The following ACTR3C variants were observed in gnomAD, a reference collection of about 807,000 sequenced individuals.
ACTR3C encodes actin-related protein 3C.
ACTR3C carries 18 observed loss-of-function variants against 26.3 expected under a neutral mutation model. The ratio of observed to expected loss-of-function variants is 0.68; its 90% CI spans 0.47 to 1.01. The LOEUF (loss-of-function observed/expected upper bound fraction) is 1.01, where lower values mean the gene tolerates loss of function less well. ACTR3C is among the 50% of genes least tolerant of loss of function. The pLI is 0.00. For missense variants in ACTR3C, 184 were observed against 250.7 expected, an observed-to-expected ratio of 0.73 and a Z score of 1.80; for synonymous variants, 55 against 94.5, an observed-to-expected ratio of 0.58 and a Z score of 2.42.
At chr7:150,204,727 G>A in the ACTR3C span, among the ~76,000 whole-genome samples, 14,656 of 151,432 alleles carry the variant, frequency 0.097, 925 homozygotes, top group East Asian at 0.23. Flanking sequence ...ATTGACGAGT[G>A]CAGAGGAGGA....
At chr7:150,214,237 AAC>A in the ACTR3C span, among the ~76,000 whole-genome samples, 1 of 152,230 alleles carries the variant, frequency 6.6e-6, no homozygotes, top group African/African-American at 2.4e-5. Context: ...AAATACAGTC[AAC>A]ACAGACCAAT....
chr7:150,200,952 A>T, the ACTR3C span, among the ~76,000 whole-genome samples: 9,238 of 152,128 alleles, frequency 0.061, 305 homozygotes, highest in African/African-American at 0.14. Flanking sequence ...ATAGAAAATT[A>T]AAAATTCCCT....
the ACTR3C span, among the ~76,000 whole-genome samples, chr7:150,169,374 C>A: frequency 7.6e-6 from 1 of 132,220 alleles, no homozygotes; most frequent in African/African-American, 3.2e-5. Context: ...CAGAGTGAGA[C>A]TCCATTTCAA....
At chr7:150,003,211 T>C in the ACTR3C span, 2 of 152,482 alleles carry the variant, frequency 1.3e-5, no homozygotes, top group African/African-American at 4.8e-5. Flanking sequence ...AGTGTTTGTG[T>C]GTGTGGGTAT....
the ACTR3C span, among the ~76,000 whole-genome samples, chr7:150,163,619 AGAATCT>A: frequency 1.3e-5 from 2 of 152,090 alleles, no homozygotes; most frequent in Non-Finnish European, 2.9e-5. Flanking sequence ...GAGAAGTCCC[AGAATCT>A]GCCATCTGCA....
the ACTR3C span, among the ~76,000 whole-genome samples, chr7:150,054,727 C>T: frequency 6.6e-6 from 1 of 152,294 alleles, no homozygotes; most frequent in South Asian, 2.1e-4. Context: ...GTCATTAAAG[C>T]CAAATCAATG....
chr7:150,084,802 C>T, the ACTR3C span, among the ~76,000 whole-genome samples: 851 of 152,066 alleles, frequency 5.6e-3, 4 homozygotes, highest in African/African-American at 0.019. Flanking sequence ...AGGATCCCTG[C>T]GGCTGTCTTA....
chr7:149,898,665 G>T, the ACTR3C span, among the ~76,000 whole-genome samples: 1 of 151,186 alleles, frequency 6.6e-6, no homozygotes, highest in Non-Finnish European at 1.5e-5. Context: ...CCGAGATCAC[G>T]CCACTGCACT....
chr7:149,931,459 G>A, the ACTR3C span, among the ~76,000 whole-genome samples: 1 of 152,088 alleles, frequency 6.6e-6, no homozygotes, highest in Admixed American at 6.6e-5. Context: ...GAGATGCAGG[G>A]GTGGGCCCTC....
At chr7:150,134,503 G>A in the ACTR3C span, among the ~76,000 whole-genome samples, 4,368 of 119,938 alleles carry the variant, frequency 0.036, 102 homozygotes, top group African/African-American at 0.083. Context: ...ACATGAACAC[G>A]TGCACAAACA....
the ACTR3C span, among the ~76,000 whole-genome samples, chr7:150,206,931 C>T: frequency 1.2e-3 from 181 of 152,242 alleles, no homozygotes; most frequent in African/African-American, 4.2e-3. Flanking sequence ...ATTTCTCAGG[C>T]TTTTGACCAT....
At chr7:150,033,812 C>A in the ACTR3C span, among the ~76,000 whole-genome samples, 36 of 148,072 alleles carry the variant, frequency 2.4e-4, no homozygotes, top group Middle Eastern at 3.8e-3. Flanking sequence ...GGAAGAGGGA[C>A]TGGCTCTCAG....
the ACTR3C span, among the ~76,000 whole-genome samples, chr7:149,906,048 C>T: frequency 2.6e-5 from 4 of 152,096 alleles, no homozygotes; most frequent in African/African-American, 4.8e-5. Context: ...GTTGTATATT[C>T]GCGTTAGAAT....
chr7:150,179,416 A>AC, the ACTR3C span, among the ~76,000 whole-genome samples: 1 of 89,474 alleles, frequency 1.1e-5, no homozygotes, highest in Non-Finnish European at 2.5e-5. Flanking sequence ...TAGACACAAC[A>AC]GGAAAAAAAA....
At chr7:150,308,183 C>T (rs547467246) in intron 1 of ACTR3C, among the ~76,000 whole-genome samples, 1 of 152,112 alleles carries the variant, frequency 6.6e-6, no homozygotes, top group Non-Finnish European at 1.5e-5. Context: ...CAAGTACCAC[C>T]CCCCTCTCTT....
the ACTR3C span, among the ~76,000 whole-genome samples, chr7:150,189,154 T>A: frequency 6.6e-6 from 1 of 151,418 alleles, no homozygotes; most frequent in Non-Finnish European, 1.5e-5. Flanking sequence ...ACCCTAAATA[T>A]ATACATATAA....
At chr7:149,985,004 T>C in the ACTR3C span, among the ~76,000 whole-genome samples, 1 of 152,108 alleles carries the variant, frequency 6.6e-6, no homozygotes, top group Admixed American at 6.6e-5. Context: ...AATAATGTGG[T>C]AACATTACCA....
chr7:149,928,355 T>C, the ACTR3C span, among the ~76,000 whole-genome samples: 1 of 148,880 alleles, frequency 6.7e-6, no homozygotes, highest in African/African-American at 2.5e-5. Context: ...AGCCCGCCAG[T>C]GTGCCCGGCT....
the ACTR3C span, among the ~76,000 whole-genome samples, chr7:150,096,131 C>T: frequency 5.4e-5 from 8 of 148,990 alleles, no homozygotes; most frequent in Non-Finnish European, 8.9e-5. Context: ...TTCACTTACA[C>T]ATTTTTATTT....
Sources: allele counts gnomAD v4.1 joint callset (sites outside exome capture counted in the v4.1 genomes callset), GRCh38; gene constraint gnomAD v4.1.1; transcripts MANE v1.5; gene names NCBI Gene and HGNC (gene_info 2026-07-23, HGNC 2026-07-21).